Variants in UVRAG observed in about 807,000 individuals in gnomAD.
UVRAG encodes the protein UV radiation resistance associated.
Under a neutral mutation model 78.0 loss-of-function variants are expected in UVRAG, and 19 were observed. That is an observed-to-expected ratio of 0.24 (90% CI 0.17 to 0.36). UVRAG has a LOEUF of 0.36. Among genes scored for constraint, UVRAG ranks in the 10% least tolerant of loss-of-function variants. The probability of loss-of-function intolerance (pLI) is 1.00; values close to 1 mark genes in which losing one functional copy is unlikely to be tolerated. For synonymous variants in UVRAG, 323 were observed against 324.6 expected, an observed-to-expected ratio of 1.00 and a Z score of 0.05; for missense variants, 740 against 853.8, an observed-to-expected ratio of 0.87 and a Z score of 1.66.
rs375976237 is a variant in UVRAG at position 75,845,882 on chromosome 11, A to T, written c.118-6001A>T. Among the ~76,000 whole-genome samples, 10 of 152,290 alleles carry T rather than the reference A, an allele frequency of 6.6e-5. No individual in the cohort carries two copies. The East Asian group carries it at 1.3e-3, about 21-fold the overall frequency. On this transcript the variant is annotated intron_variant, in intron 1 of 14. Transcript: ENST00000356136. ...TTGCCCAAAAAAAAAAAGTTAGCAGATCTTAGGAAGTTATGTCACAGACAT... is the reference window on the plus strand; with the variant it reads ...TTGCCCAAAAAAAAAAAGTTAGCAGTTCTTAGGAAGTTATGTCACAGACAT...
At chr11:75,967,054 C>G (rs56174731) in intron 7 of UVRAG, among the ~76,000 whole-genome samples, 4,738 of 152,236 alleles carry the variant, frequency 0.031, 247 homozygotes, top group African/African-American at 0.11. Context: ...GGAAAAGCCA[C>G]AGAAAAGGGG....
At chr11:75,864,891 T>C (rs1946503992) in intron 3 of UVRAG, among the ~76,000 whole-genome samples, 1 of 152,236 alleles carries the variant, frequency 6.6e-6, no homozygotes, top group African/African-American at 2.4e-5. Context: ...AACTTTGAGA[T>C]ACAGAATGTT....
intron 13 of UVRAG, among the ~76,000 whole-genome samples, chr11:76,081,372 G>GT (rs1328885862): frequency 2.0e-5 from 3 of 151,762 alleles, no homozygotes; most frequent in African/African-American, 7.3e-5. Context: ...CGCCCAACTA[G>GT]TTTTTATATT....
intron 1 of UVRAG, among the ~76,000 whole-genome samples, chr11:75,846,920 T>C (rs1946046454): frequency 6.6e-6 from 1 of 152,188 alleles, no homozygotes; most frequent in Non-Finnish European, 1.5e-5. Context: ...GCCTCCCTTG[T>C]TCAGGCGATT....
chr11:76,122,128 T>C (rs183917021), intron 14 of UVRAG, among the ~76,000 whole-genome samples: 19 of 152,256 alleles, frequency 1.2e-4, no homozygotes, highest in Admixed American at 1.2e-3. Flanking sequence ...CAAAACAACA[T>C]GTACTGAAAA....
chr11:75,840,367 C>T (rs752545603), intron 1 of UVRAG, among the ~76,000 whole-genome samples: 4 of 151,832 alleles, frequency 2.6e-5, no homozygotes, highest in South Asian at 2.1e-4. Context: ...AGGGCGGTAG[C>T]GGATCTACCT....
intron 14 of UVRAG, among the ~76,000 whole-genome samples, chr11:76,129,396 C>T (rs1031199025): frequency 3.3e-5 from 5 of 152,166 alleles, no homozygotes; most frequent in Admixed American, 1.3e-4. Context: ...GGTCCTCTTC[C>T]TCTACCTCAT....
At chr11:75,977,852 G>T (rs959736661) in intron 7 of UVRAG, among the ~76,000 whole-genome samples, 16 of 152,050 alleles carry the variant, frequency 1.1e-4, no homozygotes, top group African/African-American at 3.9e-4. Flanking sequence ...TTTAATTGGA[G>T]CATTTAGCCC....
intron 14 of UVRAG, among the ~76,000 whole-genome samples, chr11:76,126,860 T>C (rs931795747): frequency 6.6e-6 from 1 of 152,210 alleles, no homozygotes; most frequent in Non-Finnish European, 1.5e-5. Flanking sequence ...ACAGTTGGAC[T>C]GCACACAAAT....
At chr11:76,101,407 A>G (rs7121876) in intron 13 of UVRAG, among the ~76,000 whole-genome samples, 20,427 of 151,848 alleles carry the variant, frequency 0.13, 3,512 homozygotes, top group African/African-American at 0.4. Flanking sequence ...AGACACTTTT[A>G]AAAAGTGTCT....
chr11:75,928,639 G>T (rs1444671567), intron 6 of UVRAG, among the ~76,000 whole-genome samples: 1 of 151,426 alleles, frequency 6.6e-6, no homozygotes, highest in Non-Finnish European at 1.5e-5. Context: ...GTAATGTGAG[G>T]GTTAAGAATC....
intron 6 of UVRAG, among the ~76,000 whole-genome samples, chr11:75,934,622 A>G (rs74835887): frequency 0.056 from 8,600 of 152,222 alleles, 300 homozygotes; most frequent in African/African-American, 0.099. Context: ...GTCTGCAAAC[A>G]TATACACTTA....
intron 1 of UVRAG, chr11:75,837,757 C>A (rs1469557950): frequency 1.3e-5 from 2 of 152,160 alleles, no homozygotes; most frequent in African/African-American, 2.4e-5. Context: ...GAATTTATAG[C>A]TCTTACCATC....
In UVRAG at chr11:76,019,344, G is replaced by A. The variant is rs538435806; in HGVS notation, c.1226+2364G>A. On this transcript the variant is annotated intron_variant, in intron 12 of 14. Transcript: ENST00000356136. ...TGTTTCTCCAGAATTGGTCCCTGATGCCTTATTTAGTTAATTTGGGGAGGT... is the reference window on the plus strand; with the variant it reads ...TGTTTCTCCAGAATTGGTCCCTGATACCTTATTTAGTTAATTTGGGGAGGT... Among the ~76,000 whole-genome samples the A allele has an allele frequency of 1.1e-4, 17 of 152,344 alleles. No homozygotes were observed. In the South Asian group the frequency reaches 3.5e-3, roughly 32 times the overall value.
intron 13 of UVRAG, among the ~76,000 whole-genome samples, chr11:76,068,300 G>C (rs1032024681): frequency 2.0e-5 from 3 of 152,182 alleles, no homozygotes; most frequent in Non-Finnish European, 4.4e-5. Context: ...CACTTCCCAA[G>C]AGGCCTCTGA....
chr11:76,061,806 C>T (rs1435431679), intron 12 of UVRAG, among the ~76,000 whole-genome samples: 3 of 152,182 alleles, frequency 2.0e-5, no homozygotes, highest in Non-Finnish European at 4.4e-5. Context: ...GACCAAGAAC[C>T]CACCAATTCC....
At chr11:75,957,848 C>G (rs561778712) in intron 6 of UVRAG, among the ~76,000 whole-genome samples, 4 of 152,148 alleles carry the variant, frequency 2.6e-5, no homozygotes, top group African/African-American at 9.6e-5. Context: ...ACAGGAATAC[C>G]TTGGAGATAC....
chr11:76,081,445 ATC>A (rs746490757), intron 13 of UVRAG, among the ~76,000 whole-genome samples: 4 of 152,026 alleles, frequency 2.6e-5, no homozygotes, highest in Non-Finnish European at 5.9e-5. Flanking sequence ...ACCTCCAATG[ATC>A]TGCCCGCCTC....
chr11:76,137,871 TA>T, intron 14 of UVRAG: 1 of 158,340 alleles, frequency 6.3e-6, no homozygotes, highest in East Asian at 1.8e-4. Flanking sequence ...CACACCAGTG[TA>T]CTCTAGCCTG....
Sources: gnomAD v4.1 joint callset for allele counts (sites outside exome capture counted in the v4.1 genomes callset) on GRCh38, gnomAD v4.1.1 for gene constraint, MANE v1.5 for transcripts, NCBI Gene and HGNC (gene_info 2026-07-23, HGNC 2026-07-21) for gene names.